Variants in NBAS observed in about 807,000 individuals in gnomAD.
The protein encoded by NBAS is NBAS subunit of NRZ tethering complex.
Under a neutral mutation model 302.5 loss-of-function variants are expected in NBAS, and 219 were observed. The observed-to-expected ratio is 0.72, with a 90% confidence interval of 0.65 to 0.81. The LOEUF is 0.81. Ranked by LOEUF, NBAS falls within the 30% of genes least tolerant of loss-of-function variation. The probability of loss-of-function intolerance (pLI) is 0.00; values close to 1 mark genes in which losing one functional copy is unlikely to be tolerated. For missense variants in NBAS, 2,932 were observed against 2,841.6 expected (o/e 1.03, Z -0.72); for synonymous variants, 1,118 against 1,021.6 (o/e 1.09, Z -1.80).
In NBAS at chr2:15,421,712, T is replaced by TTTATAATTATC. The variant is rs369065290; in HGVS notation, c.2577+2592_2577+2602dup. 2.9e-3 allele frequency among the ~76,000 whole-genome samples: 439 copies of TTTATAATTATC among 152,266 alleles called. 1 individual carries two copies. The highest frequency in any genetic ancestry group is 0.01 in the African/African-American group (421 of 41,552). ...AGTCCTCCAAAATCAACTTACTTTC[T>TTTATAATTATC]TTATAATTATCCCTTATTACTCAAA... On this transcript the variant is annotated intron_variant, in intron 23 of 51. Coordinates refer to ENST00000281513, the MANE Select transcript of NBAS (RefSeq NM_015909.4).
At chr2:15,136,694 C>T in the NBAS span, among the ~76,000 whole-genome samples, 9 of 152,260 alleles carry the variant, frequency 5.9e-5, no homozygotes, top group East Asian at 1.7e-3. Context: ...GGCTCTTTGT[C>T]CCCACCCAAA....
At chr2:14,888,216 C>T in the NBAS span, among the ~76,000 whole-genome samples, 3,975 of 152,250 alleles carry the variant, frequency 0.026, 185 homozygotes, top group African/African-American at 0.091. Flanking sequence ...CGGCAACCTC[C>T]GCCTCCTGGG....
intron 50 of NBAS, among the ~76,000 whole-genome samples, chr2:15,180,721 G>A (rs1396341437): frequency 6.6e-6 from 1 of 152,176 alleles, no homozygotes; most frequent in African/African-American, 2.4e-5. Context: ...ATTTGAGGTG[G>A]GGCTAGTGCA....
chr2:15,083,315 T>C, the NBAS span, among the ~76,000 whole-genome samples: 1 of 152,214 alleles, frequency 6.6e-6, no homozygotes, highest in Admixed American at 6.5e-5. Flanking sequence ...TCCCTCTCCA[T>C]CTCCACAGTG....
chr2:15,226,185 A>G (rs905849724), intron 47 of NBAS, among the ~76,000 whole-genome samples: 1 of 152,240 alleles, frequency 6.6e-6, no homozygotes, highest in African/African-American at 2.4e-5. Flanking sequence ...TAAAATTCAG[A>G]TGACAATTTC....
chr2:15,395,171 G>C lies in NBAS; in HGVS notation c.3135-822C>G, dbSNP rs141306776. ...CCTGTAGGGTGTTAAGTGTTTCCTT[G>C]AGGTACTGATGGCATATTAAAACTA... is the stretch of plus-strand genomic sequence containing the variant. On this transcript the variant is annotated intron_variant, in intron 27 of 51. Transcript: ENST00000281513. Among the ~76,000 whole-genome samples, 772 of 152,188 alleles carry C rather than the reference G, an allele frequency of 5.1e-3. 1 individual carries two copies. The highest frequency in any genetic ancestry group is 0.017 in the African/African-American group (686 of 41,542).
At chr2:15,105,639 A>C in the NBAS span, among the ~76,000 whole-genome samples, 1 of 152,110 alleles carries the variant, frequency 6.6e-6, no homozygotes, top group Non-Finnish European at 1.5e-5. Flanking sequence ...CCTGAGAACA[A>C]AAATGCGTTT....
At chr2:15,433,914 C>G (rs1185175280) in intron 21 of NBAS, among the ~76,000 whole-genome samples, 1 of 149,500 alleles carries the variant, frequency 6.7e-6, no homozygotes, top group Non-Finnish European at 1.5e-5. Context: ...GCCCCGGCAA[C>G]AGAGCAAGAC....
At chr2:15,344,095 A>G (rs1370278310) in intron 35 of NBAS, among the ~76,000 whole-genome samples, 1 of 150,854 alleles carries the variant, frequency 6.6e-6, no homozygotes, top group Non-Finnish European at 1.5e-5. Flanking sequence ...TTACATTAAG[A>G]AAGTATAAGA....
At chr2:15,372,155 AC>A (rs35193302) in intron 31 of NBAS, among the ~76,000 whole-genome samples, 1 of 152,204 alleles carries the variant, frequency 6.6e-6, no homozygotes, top group Non-Finnish European at 1.5e-5. Flanking sequence ...AAGCTGACTT[AC>A]CCTATTATAG....
intron 9 of NBAS, 116 bp from the exon 10 acceptor site, chr2:15,511,466 T>A: frequency 2.3e-6 from 2 of 875,248 alleles, no homozygotes; most frequent in South Asian, 3.1e-5. Flanking sequence ...TATTAATATA[T>A]GTTAAACCTA....
chr2:15,239,207 ATGTT>A (rs1489685892), intron 44 of NBAS, among the ~76,000 whole-genome samples: 1 of 152,090 alleles, frequency 6.6e-6, no homozygotes, highest in Non-Finnish European at 1.5e-5. Context: ...ATTTTGGAAT[ATGTT>A]TGTCATAGAA....
chr2:15,189,368 C>T (rs140353609), intron 49 of NBAS, among the ~76,000 whole-genome samples: 207 of 152,296 alleles, frequency 1.4e-3, no homozygotes, highest in African/African-American at 4.9e-3. Context: ...CCTAACTGCT[C>T]ACAGGATATA....
intron 6 of NBAS, among the ~76,000 whole-genome samples, chr2:15,544,951 C>T (rs548972799): frequency 6.6e-6 from 1 of 151,902 alleles, no homozygotes; most frequent in African/African-American, 2.4e-5. Flanking sequence ...GTGGAGGTCG[C>T]AGTGAGCCAA....
the NBAS span, among the ~76,000 whole-genome samples, chr2:15,033,674 CAGG>C: frequency 6.6e-6 from 1 of 152,108 alleles, no homozygotes; most frequent in African/African-American, 2.4e-5. Context: ...CTTATAAGAA[CAGG>C]AGGCCAGGCA....
chr2:15,514,678 A>G (rs533736634), intron 9 of NBAS, among the ~76,000 whole-genome samples: 45 of 151,134 alleles, frequency 3.0e-4, no homozygotes, highest in Non-Finnish European at 5.5e-4. Flanking sequence ...TATAGTAAAC[A>G]TTAATGTATT....
At chr2:15,133,232 G>T in the NBAS span, among the ~76,000 whole-genome samples, 1 of 152,122 alleles carries the variant, frequency 6.6e-6, no homozygotes, top group African/African-American at 2.4e-5. Context: ...GGAATCAGAA[G>T]AGGCAGAACC....
At chr2:15,212,257 T>A (rs1666446466) in intron 48 of NBAS, among the ~76,000 whole-genome samples, 1 of 152,176 alleles carries the variant, frequency 6.6e-6, no homozygotes, top group Non-Finnish European at 1.5e-5. Context: ...AGTCCACTGT[T>A]CATGCAGAGG....
rs141728051 is a variant in NBAS at position 15,363,399 on chromosome 2, A to G, written c.3817+3181T>C. On this transcript the variant is annotated intron_variant, in intron 32 of 51. Transcript: ENST00000281513. ...TTCTCTTATGTTATCAGATCAATTA[A>G]TTTTTGATTTGAGATGTGGTAAAAT... 2.9e-4 allele frequency among the ~76,000 whole-genome samples: 44 copies of G among 152,294 alleles called. 1 individual carries two copies. In the East Asian group the frequency reaches 5.6e-3, roughly 19 times the overall value.
Sources: allele counts gnomAD v4.1 joint callset (sites outside exome capture counted in the v4.1 genomes callset), GRCh38; gene constraint gnomAD v4.1.1; transcripts MANE v1.5; gene names NCBI Gene and HGNC (gene_info 2026-07-23, HGNC 2026-07-21).